The following SLC15A5 variants were observed in gnomAD, a reference collection of about 807,000 sequenced individuals.
The protein encoded by SLC15A5 is Peptide/histidine transporter ENSP00000340402.
In SLC15A5, 58 loss-of-function variants were observed where a neutral mutation model predicts 56.1. The observed-to-expected ratio is 1.03, with a 90% confidence interval of 0.84 to 1.29. The LOEUF is 1.29. Among genes scored for constraint, SLC15A5 ranks in the 50% most tolerant of loss-of-function variants. SLC15A5 has a pLI of 0.00. For missense variants in SLC15A5, 681 were observed against 672.1 expected (o/e 1.01, Z -0.15); for synonymous variants, 264 against 250.5 (o/e 1.05, Z -0.51).
At chr12:16,273,001 T>C (rs1003589813) in intron 1 of SLC15A5, among the ~76,000 whole-genome samples, 26 of 152,122 alleles carry the variant, frequency 1.7e-4, no homozygotes, top group Non-Finnish European at 7.4e-5. Context: ...TTTTAGGTTT[T>C]TTTTTTTCTC....
At chr12:16,251,032 A>G (rs1864513884) in intron 3 of SLC15A5, among the ~76,000 whole-genome samples, 1 of 151,954 alleles carries the variant, frequency 6.6e-6, no homozygotes, top group South Asian at 2.1e-4. Context: ...AATACTCCCA[A>G]AATATAATGC....
chr12:16,268,952 G>A (rs1476927530), intron 2 of SLC15A5, among the ~76,000 whole-genome samples: 8 of 151,590 alleles, frequency 5.3e-5, no homozygotes, highest in Non-Finnish European at 1.0e-4. Context: ...TGCTCATAGG[G>A]GTGGAACCCT....
At chr12:16,215,221 A>C (rs1345724970) in intron 7 of SLC15A5, among the ~76,000 whole-genome samples, 13 of 145,718 alleles carry the variant, frequency 8.9e-5, no homozygotes, top group South Asian at 2.3e-4. Context: ...AAAAAAAAAA[A>C]AAAAAAAACC....
rs1863865904 is a variant in SLC15A5 at position 16,193,832 on chromosome 12, A to AGAGAGG, written c.1592+512_1592+513insCCTCTC. ...GAGAGAGAGAGAGAGAGAGAGAGAGAGAGAGAGAGAGAGGCTGGCAATGGA... is the reference window on the plus strand; with the variant it reads ...GAGAGAGAGAGAGAGAGAGAGAGAGAGAGAGGGAGAGAGAGAGAGGCTGGCAATGGA... On this transcript the variant is annotated intron_variant, in intron 8 of 8. Transcript: ENST00000344941. Among the ~76,000 whole-genome samples the AGAGAGG allele has an allele frequency of 5.0e-5, 5 of 100,384 alleles. No homozygotes were observed. The East Asian group carries it at 1.2e-3, about 25-fold the overall frequency. The allele number at this position is 100,384 out of a possible 152,430, so 65.9% of individuals were successfully genotyped here.
intron 3 of SLC15A5, among the ~76,000 whole-genome samples, chr12:16,254,881 C>G (rs61915937): frequency 2.0e-5 from 3 of 151,994 alleles, no homozygotes; most frequent in Non-Finnish European, 4.4e-5. Context: ...TTAAGTGACA[C>G]AAAATTATAG....
At chr12:16,209,082 C>T (rs1311004327) in intron 7 of SLC15A5, among the ~76,000 whole-genome samples, 1 of 151,026 alleles carries the variant, frequency 6.6e-6, no homozygotes, top group Non-Finnish European at 1.5e-5. Context: ...TTTCATTTCA[C>T]CACTGAAATG....
At chr12:16,207,659 T>C (rs1282280423) in intron 7 of SLC15A5, among the ~76,000 whole-genome samples, 6 of 152,064 alleles carry the variant, frequency 3.9e-5, no homozygotes, top group Admixed American at 6.5e-5. Flanking sequence ...TTTCTTTTTT[T>C]TTTTGAGACG....
rs11056844 is a variant in SLC15A5 at position 16,257,351 on chromosome 12, C to T, written c.754+350G>A. Among the ~76,000 whole-genome samples the T allele has an allele frequency of 0.012, 1,897 of 152,178 alleles. 145 individuals are homozygous for T. The East Asian group carries it at 0.23, about 19-fold the overall frequency. ...AGTTGATAATTGCTGAAGCTCAGAG[C>T]TACCTAGGTGAGGTTCATGTATAGT... On this transcript the variant is annotated intron_variant, in intron 3 of 8. Coordinates refer to ENST00000344941, the MANE Select transcript of SLC15A5 (RefSeq NM_001170798.1).
intron 5 of SLC15A5, among the ~76,000 whole-genome samples, chr12:16,234,943 T>C (rs1864332506): frequency 6.6e-6 from 1 of 152,120 alleles, no homozygotes. Flanking sequence ...TTTGAGTTTC[T>C]GATATGTAAG....
At chr12:16,274,081 G>GTGA (rs1458756945) in intron 1 of SLC15A5, among the ~76,000 whole-genome samples, 1 of 151,696 alleles carries the variant, frequency 6.6e-6, no homozygotes, top group Non-Finnish European at 1.5e-5. Flanking sequence ...ATGATTTCTA[G>GTGA]TGATGATGTG....
chr12:16,274,676 A>T (rs1451791958), intron 1 of SLC15A5, among the ~76,000 whole-genome samples: 1 of 152,088 alleles, frequency 6.6e-6, no homozygotes, highest in Non-Finnish European at 1.5e-5. Flanking sequence ...TCTACCACTT[A>T]GTCTTCTCTT....
At chr12:16,218,952 C>T (rs1864159042) in intron 6 of SLC15A5, among the ~76,000 whole-genome samples, 3 of 152,120 alleles carry the variant, frequency 2.0e-5, no homozygotes, top group Admixed American at 2.0e-4. Flanking sequence ...TGTATTAATG[C>T]TCCTTCCTTA....
At chr12:16,227,940 A>G (rs1864259134) in intron 5 of SLC15A5, among the ~76,000 whole-genome samples, 1 of 152,268 alleles carries the variant, frequency 6.6e-6, no homozygotes, top group South Asian at 2.1e-4. Context: ...AAATATAAGG[A>G]AGGTAGAAAC....
At chr12:16,214,881 A>G (rs546623713) in intron 7 of SLC15A5, among the ~76,000 whole-genome samples, 9 of 152,190 alleles carry the variant, frequency 5.9e-5, no homozygotes, top group Non-Finnish European at 1.3e-4. Context: ...AGCCCTAGGA[A>G]TCTCCAAACT....
At chr12:16,240,730 A>G (rs1864406143) in intron 4 of SLC15A5, among the ~76,000 whole-genome samples, 1 of 152,138 alleles carries the variant, frequency 6.6e-6, no homozygotes, top group South Asian at 2.1e-4. Flanking sequence ...GAACCAAGGG[A>G]TGATGTCACA....
intron 3 of SLC15A5, among the ~76,000 whole-genome samples, chr12:16,252,253 G>A (rs1452055349): frequency 1.3e-5 from 2 of 151,928 alleles, no homozygotes; most frequent in African/African-American, 4.8e-5. Flanking sequence ...TTAGGAACAA[G>A]GCAAAGATGC....
At chr12:16,263,592 C>G (rs1864663726) in intron 2 of SLC15A5, among the ~76,000 whole-genome samples, 2 of 152,128 alleles carry the variant, frequency 1.3e-5, no homozygotes. Context: ...GAAAATGTCT[C>G]TCCAGGGCAT....
At chr12:16,198,149 G>A (rs1863914302) in intron 7 of SLC15A5, among the ~76,000 whole-genome samples, 1 of 152,132 alleles carries the variant, frequency 6.6e-6, no homozygotes, top group Admixed American at 6.6e-5. Flanking sequence ...TTCAACTGCT[G>A]AAGTAGTAAA....
At position 16,244,504 on chromosome 12, in the gene SLC15A5, A is replaced by C. The variant is rs896593254; in HGVS notation, c.975+76T>G. ...ATATGGAAAGCGCTCGTTGGGGAGA[A>C]AATTCACCTTGACTTGCACTGTTGA... On this transcript the variant is annotated intron_variant, in intron 4 of 8. Transcript: ENST00000344941. 4.4e-6 allele frequency: 6 copies of C among 1,351,704 alleles called. No individual in the cohort carries two copies. In the South Asian group the frequency reaches 7.6e-5, roughly 17 times the overall value. 83.7% of individuals were successfully genotyped at this position (1,351,704 alleles called of 1,614,324 possible).
Sources: allele counts gnomAD v4.1 joint callset (sites outside exome capture counted in the v4.1 genomes callset), GRCh38; gene constraint gnomAD v4.1.1; transcripts MANE v1.5; gene names NCBI Gene and HGNC (gene_info 2026-07-23, HGNC 2026-07-21).